SMIM8: variants seen among roughly 807,000 people sequenced by gnomAD.
SMIM8 encodes UPF0708 protein C6orf162.
Under a neutral mutation model 8.1 loss-of-function variants are expected in SMIM8, and 8 were observed. The observed-to-expected ratio is 0.99, with a 90% confidence interval of 0.58 to 1.78. The LOEUF is 1.78. Ranked by LOEUF, SMIM8 falls within the 40% of genes most tolerant of loss-of-function variation. The pLI, the probability that SMIM8 is intolerant of heterozygous loss-of-function variation, is 0.00. For missense variants in SMIM8, 126 were observed against 119.8 expected (o/e 1.05, Z -0.24); for synonymous variants, 45 against 39.7 (o/e 1.13, Z -0.50).
chr6:87,339,415 T>C (rs1777175168), intron 3 of SMIM8, among the ~76,000 whole-genome samples: 1 of 82,316 alleles, frequency 1.2e-5, no homozygotes, highest in South Asian at 3.7e-4. Context: ...AAACACAGCG[T>C]GTGTGTGTGT....
intron 2 of SMIM8, among the ~76,000 whole-genome samples, chr6:87,332,311 C>T (rs1378633810): frequency 8.6e-6 from 1 of 116,518 alleles, no homozygotes; most frequent in African/African-American, 3.6e-5. Context: ...TCCTCCTCTC[C>T]TCCCCCCCCA....
chr6:87,339,651 A>C (rs1310135541), intron 3 of SMIM8, among the ~76,000 whole-genome samples: 1 of 152,138 alleles, frequency 6.6e-6, no homozygotes, highest in Non-Finnish European at 1.5e-5. Context: ...CCAGTTATTC[A>C]TGACTTGGGC....
Position 87,340,385 on chromosome 6 carries a change from AGAG to A in SMIM8, c.*112_*114del. On this transcript the variant is annotated 3_prime_UTR_variant, in exon 4 of 4. Transcript: ENST00000392863. Reference sequence around the variant, plus strand: ...CTTGTTCTAGAACATGCTAATGAAGAGAGAAGATAGCAGTTGCAACCAGACAAC... The same window carrying A: ...CTTGTTCTAGAACATGCTAATGAAGAAAGATAGCAGTTGCAACCAGACAAC... 8.9e-7 allele frequency: 1 copy of A among 1,118,608 alleles called. No individual in the cohort carries two copies. Among genetic ancestry groups the A allele is most frequent in the Non-Finnish European group, 1.2e-6 (1 of 865,066 alleles). 69.3% of individuals were successfully genotyped at this position (1,118,608 alleles called of 1,614,324 possible).
At chr6:87,338,906 C>CTTTTTTTTTT (rs58307492) in intron 3 of SMIM8, among the ~76,000 whole-genome samples, 1 of 116,104 alleles carries the variant, frequency 8.6e-6, no homozygotes, top group African/African-American at 3.4e-5. Flanking sequence ...TATTTAAAAG[C>CTTTTTTTTTT]TTTTTTTTTT....
intron 2 of SMIM8, 41 bp from the exon 3 acceptor site, chr6:87,336,968 G>A: frequency 6.9e-7 from 1 of 1,454,646 alleles, no homozygotes; most frequent in Non-Finnish European, 9.2e-7. Context: ...TATCAGAGAA[G>A]CACAATTATG....
At chr6:87,325,174 A>G (rs1166184599) in intron 1 of SMIM8, among the ~76,000 whole-genome samples, 4 of 152,122 alleles carry the variant, frequency 2.6e-5, no homozygotes, top group African/African-American at 7.3e-5. Flanking sequence ...GGGCTGAGAC[A>G]ATGGGGTTTT....
intron 2 of SMIM8, 115 bp downstream of exon 2, chr6:87,330,827 G>A (rs1206097083): frequency 1.3e-5 from 2 of 151,542 alleles, no homozygotes; most frequent in African/African-American, 4.9e-5. Flanking sequence ...TTTAAGAAAA[G>A]ATAAATAACA....
chr6:87,340,040 G>A, intron 3 of SMIM8, 76 bp from the exon 4 acceptor site: 2 of 1,232,392 alleles, frequency 1.6e-6, no homozygotes, highest in South Asian at 3.8e-5. Flanking sequence ...ATGTCAGGAG[G>A]AAAGTGCAAC....
In SMIM8 at chr6:87,341,914, A is replaced by G. The variant is rs547392199; in HGVS notation, c.*1640A>G. On this transcript the variant is annotated 3_prime_UTR_variant, in exon 4 of 4. Transcript: ENST00000392863. Reference sequence around the variant, plus strand: ...GGGTTCTTCTGTTTTTAACTTATGCATTTAATGACACATTGCCATCTTTTA... The same window carrying G: ...GGGTTCTTCTGTTTTTAACTTATGCGTTTAATGACACATTGCCATCTTTTA... 2.0e-5 allele frequency: 3 copies of G among 152,320 alleles called. No homozygotes were observed. The highest frequency in any genetic ancestry group is 6.5e-5 in the Admixed American group (1 of 15,296). 9.4% of individuals were successfully genotyped at this position (152,320 alleles called of 1,614,324 possible).
At chr6:87,327,910 G>A (rs1042732176) in intron 1 of SMIM8, among the ~76,000 whole-genome samples, 5 of 149,526 alleles carry the variant, frequency 3.3e-5, no homozygotes, top group African/African-American at 1.0e-4. Context: ...CGTAGATTTG[G>A]TCTTTTCACA....
At position 87,340,137 on chromosome 6, in the gene SMIM8, G is replaced by T. The variant is rs1302017678; in HGVS notation, c.157G>T (p.Gly53Ter). 1.3e-6 allele frequency: 2 copies of T among 1,582,918 alleles called. No homozygotes were observed. The highest frequency in any genetic ancestry group is 1.9e-5 in the Admixed American group (1 of 53,442). Reference sequence around the variant, plus strand: ...ACAGAACAAACCTGTAATGGCTTTCGGATTGGTAACTCTTTCACTTTGCGT... The same window carrying T: ...ACAGAACAAACCTGTAATGGCTTTCTGATTGGTAACTCTTTCACTTTGCGT... ...IKPNKPVMAFGLVTLSLCVAY... is the reference protein window; with the variant it reads ...IKPNKPVMAF Residue 53 changes from glycine to a stop codon, truncating the protein, a stop_gained, in exon 4 of 4, where the codon GGA becomes TGA. Coordinates refer to ENST00000392863, the MANE Select transcript of SMIM8 (RefSeq NM_001042493.3). LOFTEE classifies it high-confidence loss of function.
intron 1 of SMIM8, among the ~76,000 whole-genome samples, chr6:87,327,901 G>T (rs1475071043): frequency 1.3e-4 from 19 of 149,514 alleles, no homozygotes; most frequent in African/African-American, 4.0e-4. Flanking sequence ...CCAATCAGAC[G>T]TAGATTTGGT....
intron 1 of SMIM8, among the ~76,000 whole-genome samples, chr6:87,324,351 A>G (rs1293975698): frequency 6.6e-6 from 1 of 152,126 alleles, no homozygotes; most frequent in Admixed American, 6.5e-5. Context: ...GCCCATGCCT[A>G]TGTCCTGAAT....
At chr6:87,334,082 G>T (rs1179524109) in intron 2 of SMIM8, among the ~76,000 whole-genome samples, 1 of 152,110 alleles carries the variant, frequency 6.6e-6, no homozygotes, top group Non-Finnish European at 1.5e-5. Flanking sequence ...TAAACAACCA[G>T]ATCTCACATG....
chr6:87,324,280 C>G (rs1468419289), intron 1 of SMIM8, among the ~76,000 whole-genome samples: 1 of 152,102 alleles, frequency 6.6e-6, no homozygotes, highest in Admixed American at 6.5e-5. Flanking sequence ...TTAATTAGAT[C>G]CTATTTGTCA....
chr6:87,340,017 A>G (rs1777187678), intron 3 of SMIM8, 99 bp from the exon 4 acceptor site: 1 of 866,428 alleles, frequency 1.2e-6, no homozygotes, highest in Non-Finnish European at 1.7e-6. Flanking sequence ...TAGTGTTGTA[A>G]TAAAGATGTG....
chr6:87,340,262 C>G lies in SMIM8; in HGVS notation c.282C>G (p.Ser94=), dbSNP rs767888756. The G allele has an allele frequency of 1.3e-6, 2 of 1,598,142 alleles. No individual in the cohort carries two copies. Among genetic ancestry groups the G allele is most frequent in the Non-Finnish European group, 1.7e-6 (2 of 1,175,182 alleles). The stretch of plus-strand genomic sequence containing the variant: ...ACAGTTATATGAGGCGGAAAACATC[C>G]AAATGGGATTAGTAGTGCTGGTTAG... ...EGHSYMRRKT[S]KWD Residue 94 remains serine (S), a synonymous_variant, in exon 4 of 4, where the codon TCC becomes TCG. Coordinates refer to ENST00000392863, the MANE Select transcript of SMIM8 (RefSeq NM_001042493.3).
At position 87,340,309 on chromosome 6, in the gene SMIM8, G is replaced by A; in HGVS notation, c.*35G>A. ...TTAGTGCAGATGGACCTTTATTAAA[G>A]GTTCTGAAATCTTCAAATGAAAGAC... On this transcript the variant is annotated 3_prime_UTR_variant, in exon 4 of 4. Transcript: ENST00000392863. 4 of 1,505,594 alleles carry A rather than the reference G, an allele frequency of 2.7e-6. 1 individual carries two copies. The highest frequency in any genetic ancestry group is 8.8e-7 in the Non-Finnish European group (1 of 1,132,230). 93.3% of individuals were successfully genotyped at this position (1,505,594 alleles called of 1,614,324 possible). A position where few individuals can be genotyped will look rare whatever the true frequency, so the allele number is the denominator to read the frequency against.
intron 2 of SMIM8, among the ~76,000 whole-genome samples, chr6:87,333,904 G>A (rs1031304827): frequency 1.3e-5 from 2 of 152,204 alleles, no homozygotes; most frequent in African/African-American, 4.8e-5. Flanking sequence ...ATAAAGCAAA[G>A]AGGTTTAATT....
Sources: gnomAD v4.1 joint callset for allele counts (sites outside exome capture counted in the v4.1 genomes callset) on GRCh38, gnomAD v4.1.1 for gene constraint, MANE v1.5 for transcripts, NCBI Gene and HGNC (gene_info 2026-07-23, HGNC 2026-07-21) for gene names.